Variants in LPIN2 observed in about 807,000 individuals in gnomAD.
LPIN2 encodes phosphatidate phosphatase LPIN2.
Under a neutral mutation model 111.4 loss-of-function variants are expected in LPIN2, and 55 were observed. That is an observed-to-expected ratio of 0.49 (90% CI 0.40 to 0.62). The LOEUF is 0.62. LPIN2 is among the 20% of genes least tolerant of loss of function. The pLI, the probability that LPIN2 is intolerant of heterozygous loss-of-function variation, is 0.00. For missense variants in LPIN2, 992 were observed against 1,112.1 expected, an observed-to-expected ratio of 0.89 and a Z score of 1.54; for synonymous variants, 425 against 414.0, an observed-to-expected ratio of 1.03 and a Z score of -0.32.
chr18:2,931,065 C>G (rs189712837), intron 9 of LPIN2, among the ~76,000 whole-genome samples, 191 bp downstream of exon 9: 78 of 152,248 alleles, frequency 5.1e-4, no homozygotes, highest in Non-Finnish European at 1.3e-4. Context: ...ACCTCAAAGC[C>G]ACTCCATAAA....
At chr18:2,976,640 T>G (rs2078021874) in intron 1 of LPIN2, among the ~76,000 whole-genome samples, 1 of 152,216 alleles carries the variant, frequency 6.6e-6, no homozygotes, top group Non-Finnish European at 1.5e-5. Context: ...GTGTGCTCAA[T>G]TTCTCTGACA....
rs2077700830 is a variant in LPIN2, at chr18:2,960,815, C to T, written c.26G>A (p.Gly9Glu). The stretch of plus-strand genomic sequence containing the variant: ...TTCCTTCACAGTGACAATCACCTGC[C>T]CAGCCAGCTGTCCCACATAATTCAT... Reference protein sequence around the residue: MNYVGQLAGQVIVTVKELY... With the variant: MNYVGQLAEQVIVTVKELY... Residue 9 changes from glycine to glutamate, a missense_variant, in exon 2 of 20, where the codon GGG becomes GAG. By Grantham distance (98) the Gly-to-Glu change is moderately conservative. Coordinates refer to ENST00000677752, the MANE Select transcript of LPIN2 (RefSeq NM_001375808.2). 1.9e-6 allele frequency: 3 copies of T among 1,613,902 alleles called. No homozygotes were observed. Among genetic ancestry groups the T allele is most frequent in the Non-Finnish European group, 2.5e-6 (3 of 1,180,008 alleles).
chr18:2,968,187 C>T (rs2077839218), intron 1 of LPIN2, among the ~76,000 whole-genome samples: 1 of 152,172 alleles, frequency 6.6e-6, no homozygotes, highest in Admixed American at 6.5e-5. Flanking sequence ...AACGAAAACC[C>T]AGTGCCTCCC....
rs1237234037 is a variant in LPIN2, at chr18:2,922,288, CTTT to C, written c.2175-92_2175-90del. 3.8e-6 allele frequency: 5 copies of C among 1,311,224 alleles called. 1 individual carries two copies. The Admixed American group carries it at 9.3e-5, about 24-fold the overall frequency. 81.2% of individuals were successfully genotyped at this position (1,311,224 alleles called of 1,614,324 possible). The stretch of plus-strand genomic sequence containing the variant: ...AAAAAAAAACCCCACACTTTTCTTT[CTTT>C]TTTTTTTGAGTCTCACTCTGTTACC... On this transcript the variant is annotated intron_variant, in intron 16 of 19. Coordinates refer to ENST00000677752, the MANE Select transcript of LPIN2 (RefSeq NM_001375808.2).
intron 1 of LPIN2, among the ~76,000 whole-genome samples, chr18:2,981,132 ACT>A (rs1341864380): frequency 1.3e-5 from 2 of 152,088 alleles, no homozygotes; most frequent in African/African-American, 4.8e-5. Flanking sequence ...ATGAGGAAAG[ACT>A]CTTTCAAAAC....
In LPIN2 at chr18:2,917,189, T is replaced by C. The variant is rs1377708270; in HGVS notation, c.*3104A>G. On this transcript the variant is annotated 3_prime_UTR_variant, in exon 20 of 20. Coordinates refer to ENST00000677752, the MANE Select transcript of LPIN2 (RefSeq NM_001375808.2). ...TGCTGTCTAATAATCAAATACTTCA[T>C]CATAGGCTGAACATAATTATTAAAA... The C allele has an allele frequency of 1.3e-5, 2 of 152,234 alleles. No individual in the cohort carries two copies. The highest frequency in any genetic ancestry group is 2.9e-5 in the Non-Finnish European group (2 of 68,038). 9.4% of individuals were successfully genotyped at this position (152,234 alleles called of 1,614,324 possible).
At chr18:2,955,658 G>A (rs1052729402) in intron 2 of LPIN2, among the ~76,000 whole-genome samples, 7 of 152,142 alleles carry the variant, frequency 4.6e-5, no homozygotes, top group African/African-American at 1.7e-4. Context: ...GCTCATGCTT[G>A]TAATCCCAGT....
intron 13 of LPIN2, among the ~76,000 whole-genome samples, chr18:2,926,304 T>C (rs1037520506): frequency 6.6e-6 from 1 of 152,120 alleles, no homozygotes; most frequent in Non-Finnish European, 1.5e-5. Context: ...ACACGGCGTA[T>C]CGCGAGCAAC....
intron 1 of LPIN2, 62 bp from the exon 2 acceptor site, chr18:2,960,911 A>G: frequency 1.5e-6 from 2 of 1,373,992 alleles, no homozygotes; most frequent in South Asian, 1.2e-5. Flanking sequence ...TGACAAAGAA[A>G]TAACAGTCGT....
chr18:2,963,209 A>G (rs1017472246), intron 1 of LPIN2, among the ~76,000 whole-genome samples: 4 of 152,202 alleles, frequency 2.6e-5, no homozygotes, highest in Admixed American at 1.3e-4. Context: ...GCTGTCTGCT[A>G]GAAGGGTCAC....
chr18:3,002,285 G>T (rs1380637822), intron 1 of LPIN2, among the ~76,000 whole-genome samples: 1 of 141,478 alleles, frequency 7.1e-6, no homozygotes, highest in Non-Finnish European at 1.5e-5. Flanking sequence ...AGGTATACCA[G>T]TACCTACGTT....
intron 1 of LPIN2, among the ~76,000 whole-genome samples, chr18:3,008,668 G>C (rs2078553505): frequency 6.6e-6 from 1 of 152,050 alleles, no homozygotes; most frequent in South Asian, 2.1e-4. Flanking sequence ...AACCACCAAA[G>C]CCAAATAATT....
chr18:2,993,996 A>G (rs1212893686), intron 1 of LPIN2, among the ~76,000 whole-genome samples: 4 of 152,182 alleles, frequency 2.6e-5, no homozygotes, highest in African/African-American at 9.7e-5. Context: ...GAAAGATGAG[A>G]GCATACAGGT....
Position 2,925,469 on chromosome 18 carries a change from C to T in LPIN2, c.1794-101G>A. ...AAAATAAAGATATCCTAAATCTTTT[C>T]TAGGAATGGGTAGAGTTATCCCTTC... On this transcript the variant is annotated intron_variant, in intron 13 of 19. Transcript: ENST00000677752. The surrounding 1 kb of genome is among the most constrained non-coding windows in gnomAD (Gnocchi z 4.1). 6.7e-7 allele frequency: 1 copy of T among 1,483,674 alleles called. No homozygotes were observed. The highest frequency in any genetic ancestry group is 9.3e-7 in the Non-Finnish European group (1 of 1,071,302). The allele number at this position is 1,483,674 out of a possible 1,614,324, so 91.9% of individuals were successfully genotyped here. A position where few individuals can be genotyped will look rare whatever the true frequency, so the allele number is the denominator to read the frequency against.
intron 1 of LPIN2, among the ~76,000 whole-genome samples, chr18:2,981,695 C>T (rs2078113286): frequency 1.3e-5 from 2 of 152,190 alleles, no homozygotes; most frequent in Non-Finnish European, 2.9e-5. Context: ...TAGCACCTGA[C>T]TCTTCCATTC....
chr18:2,940,508 G>C, intron 5 of LPIN2, 97 bp downstream of exon 5: 1 of 729,884 alleles, frequency 1.4e-6, no homozygotes, highest in Non-Finnish European at 2.4e-6. Context: ...GGCTGTGTGA[G>C]AGAAATGGGA....
At chr18:3,003,810 G>A (rs1432634125) in intron 1 of LPIN2, among the ~76,000 whole-genome samples, 1 of 152,200 alleles carries the variant, frequency 6.6e-6, no homozygotes, top group African/African-American at 2.4e-5. Context: ...AACAATGGAA[G>A]ATAACCATAA....
In LPIN2 at chr18:2,925,131, A is replaced by C; in HGVS notation, c.1938+93T>G. 1 of 1,495,186 alleles carries C rather than the reference A, an allele frequency of 6.7e-7. No individual in the cohort carries two copies. Among genetic ancestry groups the C allele is most frequent in the South Asian group, 1.1e-5 (1 of 87,754 alleles). 92.6% of individuals were successfully genotyped at this position (1,495,186 alleles called of 1,614,324 possible). ...CGACCATGCCGTGTGGCGTGTATGC[A>C]GCTGGGGACGTGTGGACAGAAGAGG... On this transcript the variant is annotated intron_variant, in intron 14 of 19. Transcript: ENST00000677752. This position sits in a 1 kb window ranked among gnomAD's most constrained non-coding sequence, Gnocchi z 4.1.
At chr18:2,920,927 A>C (rs566010826) in intron 18 of LPIN2, 46 bp from the exon 19 acceptor site, 2 of 1,274,616 alleles carry the variant, frequency 1.6e-6, no homozygotes. Context: ...AGGAGAATTC[A>C]GGAGATACTT....
Sources: allele counts gnomAD v4.1 joint callset (sites outside exome capture counted in the v4.1 genomes callset), GRCh38; gene constraint gnomAD v4.1.1; non-coding constraint Gnocchi (gnomAD v3.1); transcripts MANE v1.5; gene names NCBI Gene and HGNC (gene_info 2026-07-23, HGNC 2026-07-21).